Variants in TRMT9B observed in about 807,000 individuals in gnomAD.
The protein encoded by TRMT9B is tRNA methyltransferase 9B (putative).
In TRMT9B, 16 loss-of-function variants were observed where a neutral mutation model predicts 11.5. That is an observed-to-expected ratio of 1.39 (90% confidence interval 0.94 to 2.11). TRMT9B has a LOEUF of 2.11. TRMT9B is among the 30% of genes most tolerant of loss of function. The probability of loss-of-function intolerance (pLI) is 0.00; values close to 1 mark genes in which losing one functional copy is unlikely to be tolerated. For missense variants in TRMT9B, 941 were observed against 553.8 expected (o/e 1.70, Z -7.02); for synonymous variants, 274 against 192.4 (o/e 1.42, Z -3.51).
chr8:12,989,553 T>A (rs1806963881), intron 1 of TRMT9B, among the ~76,000 whole-genome samples: 1 of 152,132 alleles, frequency 6.6e-6, no homozygotes, highest in South Asian at 2.1e-4. Context: ...CTCTTACTGA[T>A]GGGGGCGTTG....
At chr8:12,975,407 T>A (rs1222936152) in intron 1 of TRMT9B, among the ~76,000 whole-genome samples, 2 of 151,712 alleles carry the variant, frequency 1.3e-5, no homozygotes, top group African/African-American at 4.8e-5. Flanking sequence ...TCCTTTCTTC[T>A]AAAAGTAGCA....
chr8:13,009,927 G>T (rs961938828), intron 3 of TRMT9B, among the ~76,000 whole-genome samples: 3 of 152,072 alleles, frequency 2.0e-5, no homozygotes, highest in Admixed American at 6.5e-5. Flanking sequence ...AGGAGTTCGA[G>T]ACCAGCCTGG....
intron 1 of TRMT9B, among the ~76,000 whole-genome samples, chr8:12,953,378 C>T (rs996888832): frequency 5.9e-5 from 9 of 152,068 alleles, no homozygotes; most frequent in African/African-American, 2.2e-4. Flanking sequence ...GAGATGGAGC[C>T]TCACTCTATC....
intron 1 of TRMT9B, among the ~76,000 whole-genome samples, chr8:12,989,159 T>C (rs1395831217): frequency 6.6e-6 from 1 of 152,154 alleles, no homozygotes; most frequent in Non-Finnish European, 1.5e-5. Context: ...AATACACGCA[T>C]GGCTTATTTC....
Position 13,004,659 on chromosome 8 carries a change from C to T in TRMT9B, c.-1-1543C>T, listed in dbSNP as rs973565430. Among the ~76,000 whole-genome samples the T allele has an allele frequency of 1.1e-4, 16 of 152,118 alleles. No individual in the cohort carries two copies. In the East Asian group the frequency reaches 1.8e-3, roughly 17 times the overall value. On this transcript the variant is annotated intron_variant, in intron 2 of 4. Coordinates refer to ENST00000524591, the MANE Select transcript of TRMT9B (RefSeq NM_020844.3). ...GAGCCCTTTGGCCCTGAATAACCAG[C>T]GGTGATACCCAAGTAATACGCTGTG...
intron 1 of TRMT9B, among the ~76,000 whole-genome samples, chr8:12,949,617 T>G (rs1370015324): frequency 6.6e-6 from 1 of 152,130 alleles, no homozygotes; most frequent in Non-Finnish European, 1.5e-5. Context: ...AGTTGGTAAC[T>G]CATGTCATAG....
intron 1 of TRMT9B, among the ~76,000 whole-genome samples, chr8:12,976,425 T>A (rs1453315195): frequency 6.6e-6 from 1 of 151,932 alleles, no homozygotes; most frequent in Non-Finnish European, 1.5e-5. Flanking sequence ...TTGTGTGAGA[T>A]ACTATATATT....
intron 4 of TRMT9B, among the ~76,000 whole-genome samples, chr8:13,019,149 G>A (rs952634483): frequency 1.2e-4 from 19 of 152,076 alleles, no homozygotes; most frequent in Non-Finnish European, 2.8e-4. Context: ...TATCAAGTGG[G>A]CAAATTCGCA....
chr8:12,982,833 C>G (rs1040144244), intron 1 of TRMT9B, among the ~76,000 whole-genome samples: 1 of 152,144 alleles, frequency 6.6e-6, no homozygotes, highest in Non-Finnish European at 1.5e-5. Context: ...TGGTTGCAGT[C>G]AAAATGCAGC....
rs1332176663 is a variant in TRMT9B, at chr8:13,024,806, G to C, written c.*2762G>C. On this transcript the variant is annotated 3_prime_UTR_variant, in exon 5 of 5. Coordinates refer to ENST00000524591, the MANE Select transcript of TRMT9B (RefSeq NM_020844.3). ...ATGAACATAAGAATCTATGCATCCA[G>C]ATATTATTTTGTATACAAATATTTA... 4.2e-5 allele frequency: 7 copies of C among 166,938 alleles called. No homozygotes were observed. The allele number at this position is 166,938 out of a possible 1,614,324, so 10.3% of individuals were successfully genotyped here. A position where few individuals can be genotyped will look rare whatever the true frequency, so the allele number is the denominator to read the frequency against.
rs17784878 is a variant in TRMT9B, at chr8:13,001,407, C to T, written c.-1-4795C>T. Among the ~76,000 whole-genome samples the T allele has an allele frequency of 3.3e-5, 5 of 152,154 alleles. No individual in the cohort carries two copies. The East Asian group carries it at 9.6e-4, about 29-fold the overall frequency. On this transcript the variant is annotated intron_variant, in intron 2 of 4. Coordinates refer to ENST00000524591, the MANE Select transcript of TRMT9B (RefSeq NM_020844.3). ...AGTGATGAGCAACTCTGATGCGCAT[C>T]CTTCTGACTTCCTAGTTAAAACGTT...
intron 2 of TRMT9B, among the ~76,000 whole-genome samples, chr8:13,000,457 G>C (rs973065950): frequency 6.6e-6 from 1 of 152,124 alleles, no homozygotes; most frequent in South Asian, 2.1e-4. Context: ...CATCCTCCAA[G>C]AAATAAATGC....
intron 1 of TRMT9B, chr8:12,951,438 T>G (rs1038248582): frequency 2.0e-5 from 3 of 152,326 alleles, no homozygotes; most frequent in African/African-American, 4.8e-5. Flanking sequence ...CGTCTTCTCC[T>G]ACGCAGGAAG....
intron 1 of TRMT9B, among the ~76,000 whole-genome samples, chr8:12,948,384 A>G (rs987207607): frequency 1.3e-5 from 2 of 149,470 alleles, no homozygotes; most frequent in African/African-American, 2.4e-5. Context: ...TAAATGAACC[A>G]TCGTAATTCA....
rs114034392 is a variant in TRMT9B at position 13,015,722 on chromosome 8, G to T, written c.328+2865G>T. On this transcript the variant is annotated intron_variant, in intron 4 of 4. Transcript: ENST00000524591. ...CCACTGAGACACTGGTGAAGGAAGGGGATATAGACCACCTTTCCTATGCTT... is the reference window on the plus strand; with the variant it reads ...CCACTGAGACACTGGTGAAGGAAGGTGATATAGACCACCTTTCCTATGCTT... Among the ~76,000 whole-genome samples, 1,286 of 152,042 alleles carry T rather than the reference G, an allele frequency of 8.5e-3. 17 individuals are homozygous for T. The highest frequency in any genetic ancestry group is 0.03 in the African/African-American group (1,226 of 41,448).
Position 12,999,217 on chromosome 8 carries a change from T to C in TRMT9B, c.-1-6985T>C, listed in dbSNP as rs1478612194. Among the ~76,000 whole-genome samples the C allele has an allele frequency of 2.0e-5, 3 of 149,272 alleles. No homozygotes were observed. The East Asian group carries it at 5.9e-4, about 30-fold the overall frequency. On this transcript the variant is annotated intron_variant, in intron 2 of 4. Transcript: ENST00000524591. Reference sequence around the variant, plus strand: ...AGGAGGCTGAGGCAGGAGAATCGCTTGAACCTGGGAGGCGGAGGTTGCAGT... The same window carrying C: ...AGGAGGCTGAGGCAGGAGAATCGCTCGAACCTGGGAGGCGGAGGTTGCAGT...
chr8:12,975,206 C>A (rs1358038465), intron 1 of TRMT9B, among the ~76,000 whole-genome samples: 2 of 151,698 alleles, frequency 1.3e-5, no homozygotes, highest in Admixed American at 1.3e-4. Context: ...CATCTCTCTT[C>A]CAGGAAGAAA....
intron 3 of TRMT9B, chr8:13,010,961 A>T (rs1811490607): frequency 3.3e-6 from 3 of 900,768 alleles, no homozygotes; most frequent in South Asian, 5.3e-5. Context: ...ACATTTACGT[A>T]GAAATAATAA....
rs17785004 is a variant in TRMT9B, at chr8:13,002,121, T to C, written c.-1-4081T>C. On this transcript the variant is annotated intron_variant, in intron 2 of 4. Transcript: ENST00000524591. ...TATACACTTAAAAATAACTATCTTT[T>C]AGGTTACCCGATGGTAGTAGAGGCC... Among the ~76,000 whole-genome samples, 945 of 152,326 alleles carry C rather than the reference T, an allele frequency of 6.2e-3. 10 individuals are homozygous for C. The highest frequency in any genetic ancestry group is 0.021 in the Admixed American group (316 of 15,290).
Sources: gnomAD v4.1 joint callset for allele counts (sites outside exome capture counted in the v4.1 genomes callset) on GRCh38, gnomAD v4.1.1 for gene constraint, MANE v1.5 for transcripts, NCBI Gene and HGNC (gene_info 2026-07-23, HGNC 2026-07-21) for gene names.